Variants in TK1 observed in about 807,000 individuals in gnomAD.
TK1 encodes thymidine kinase 1, also known as thymidine kinase, cytosolic.
Under a neutral mutation model 22.4 loss-of-function variants are expected in TK1, and 13 were observed. The observed-to-expected ratio is 0.58, with a 90% CI of 0.38 to 0.92. The LOEUF (loss-of-function observed/expected upper bound fraction) is 0.92, where lower values mean the gene tolerates loss of function less well. TK1 is among the 40% of genes least tolerant of loss of function. TK1 has a pLI of 0.00. For synonymous variants in TK1, 134 were observed against 125.4 expected, an observed-to-expected ratio of 1.07 and a Z score of -0.46; for missense variants, 251 against 315.7, an observed-to-expected ratio of 0.80 and a Z score of 1.55.
intron 3 of TK1, among the ~76,000 whole-genome samples, chr17:78,183,968 G>A (rs1287524906): frequency 1.3e-5 from 2 of 152,134 alleles, no homozygotes; most frequent in African/African-American, 2.4e-5. Context: ...TGTGACACAC[G>A]GGCAGAACTC....
chr17:78,185,596 C>T (rs535578575), intron 2 of TK1, among the ~76,000 whole-genome samples: 1 of 152,270 alleles, frequency 6.6e-6, no homozygotes, highest in South Asian at 2.1e-4. Context: ...GCGATCTCAG[C>T]TCACTGCAAC....
At position 78,174,762 on chromosome 17, in the gene TK1, G is replaced by T. The variant is rs748132331; in HGVS notation, c.702C>A (p.Asn234Lys). ...PQQILQCSPA[N>K] is the part of the protein sequence containing the mutation. ...GCGGGCGGCCCTCGCAGGTCCCTCA[G>T]TTGGCAGGGCTGCATTGCAGAATCT... Residue 234 changes from asparagine to lysine, a missense_variant, in exon 7 of 7, where the codon AAC (asparagine) becomes AAA (lysine). Transcript: ENST00000301634. 6.2e-7 allele frequency: 1 copy of T among 1,602,394 alleles called. No homozygotes were observed. Among genetic ancestry groups the T allele is most frequent in the Non-Finnish European group, 8.5e-7 (1 of 1,174,816 alleles).
intron 4 of TK1, among the ~76,000 whole-genome samples, chr17:78,180,208 G>C (rs1253798440): frequency 1.3e-5 from 2 of 152,232 alleles, no homozygotes; most frequent in Non-Finnish European, 2.9e-5. Flanking sequence ...ACACCCAGGG[G>C]CTCCGCCACG....
intron 2 of TK1, among the ~76,000 whole-genome samples, chr17:78,186,467 G>T (rs1025924937): frequency 1.1e-4 from 16 of 152,138 alleles, no homozygotes; most frequent in African/African-American, 3.6e-4. Flanking sequence ...ACAACTGGTT[G>T]CCACCTTCTC....
intron 4 of TK1, among the ~76,000 whole-genome samples, chr17:78,176,227 C>A (rs535724643): frequency 2.2e-4 from 34 of 151,212 alleles, no homozygotes; most frequent in Non-Finnish European, 4.0e-4. Flanking sequence ...CTGCACAGAG[C>A]ACATTTACTG....
chr17:78,178,580 A>G (rs1239735955), intron 4 of TK1, among the ~76,000 whole-genome samples: 5 of 152,216 alleles, frequency 3.3e-5, no homozygotes, highest in African/African-American at 1.2e-4. Flanking sequence ...GCTGGGTCCC[A>G]TGCTAGGAAC....
At position 78,175,565 on chromosome 17, in the gene TK1, T is replaced by A; in HGVS notation, c.357A>T (p.Val119=). ...CEAMANAGKT[V]IVAALDGTFQ... is the part of the protein sequence containing the mutation. ...AGGTCCCATCCAGTGCAGCCACAAT[T>A]ACGGTCTTCCCGGCGTTGGCCATGG... is the stretch of plus-strand genomic sequence containing the variant. The change falls in exon 5 of 7, where the codon GTA becomes GTT. Residue 119 remains valine, a synonymous_variant. Coordinates refer to ENST00000301634, the MANE Select transcript of TK1 (RefSeq NM_003258.5). The A allele has an allele frequency of 1.9e-6, 3 of 1,613,708 alleles. No individual in the cohort carries two copies. The highest frequency in any genetic ancestry group is 2.5e-6 in the Non-Finnish European group (3 of 1,179,792).
rs933538843 is a variant in TK1 at position 78,182,575 on chromosome 17, A to G, written c.303+14T>C. 4.5e-6 allele frequency: 7 copies of G among 1,561,498 alleles called. No homozygotes were observed. The highest frequency in any genetic ancestry group is 1.2e-5 in the South Asian group (1 of 85,216). On this transcript the variant is annotated intron_variant, in intron 4 of 6. Transcript: ENST00000301634. ...AGCTGGCAGGAAGAGTGATGCCAAG[A>G]CAAGCCAACTTACAAACTGCCCCTC...
At chr17:78,179,562 C>A (rs994269302) in intron 4 of TK1, 1 of 985,376 alleles carries the variant, frequency 1.0e-6, no homozygotes, top group African/African-American at 1.7e-5. Flanking sequence ...AGCCTCCCCA[C>A]GGGAATGGAA....
chr17:78,180,394 C>G (rs1410311870), intron 4 of TK1, among the ~76,000 whole-genome samples: 1 of 152,188 alleles, frequency 6.6e-6, no homozygotes, highest in African/African-American at 2.4e-5. Flanking sequence ...CTAAAAGTAC[C>G]TAAGAGGTCA....
intron 3 of TK1, among the ~76,000 whole-genome samples, chr17:78,183,937 T>C (rs1424509200): frequency 6.6e-6 from 1 of 152,202 alleles, no homozygotes; most frequent in Non-Finnish European, 1.5e-5. Context: ...TTGGCCTCTG[T>C]GGCCCGTGTT....
intron 2 of TK1, among the ~76,000 whole-genome samples, chr17:78,185,749 C>T (rs1231901791): frequency 6.6e-6 from 1 of 152,232 alleles, no homozygotes; most frequent in Admixed American, 6.5e-5. Flanking sequence ...AGGGTGGTCT[C>T]AAACTCCTAA....
At position 78,174,954 on chromosome 17, in the gene TK1, G is replaced by A; in HGVS notation, c.514-4C>T. 3 of 1,612,296 alleles carry A rather than the reference G, an allele frequency of 1.9e-6. No individual in the cohort carries two copies. The highest frequency in any genetic ancestry group is 1.7e-6 in the Non-Finnish European group (2 of 1,178,670). On this transcript the variant is annotated splice_polypyrimidine_tract_variant and splice_region_variant and intron_variant, in intron 6 of 6. Coordinates refer to ENST00000301634, the MANE Select transcript of TK1 (RefSeq NM_003258.5). ...CTGCTCCCCCAATCACCTCGACCTG[G>A]CCGCAGGGACAGGGGATGGGTGAAG...
chr17:78,174,758 C>A lies in TK1; in HGVS notation c.*1G>T. On this transcript the variant is annotated 3_prime_UTR_variant, in exon 7 of 7. Transcript: ENST00000301634. ...GGGAGCGGGCGGCCCTCGCAGGTCC[C>A]TCAGTTGGCAGGGCTGCATTGCAGA... 1 of 1,599,332 alleles carries A rather than the reference C, an allele frequency of 6.3e-7. No homozygotes were observed. Among genetic ancestry groups the A allele is most frequent in the Non-Finnish European group, 8.5e-7 (1 of 1,173,386 alleles).
chr17:78,186,354 G>C (rs2075793488), intron 2 of TK1, among the ~76,000 whole-genome samples: 1 of 152,150 alleles, frequency 6.6e-6, no homozygotes, highest in South Asian at 2.1e-4. Context: ...AGGCTCCACG[G>C]CTTCAGACTC....
intron 5 of TK1, 64 bp downstream of exon 5, chr17:78,175,465 G>T: frequency 6.7e-7 from 1 of 1,495,554 alleles, no homozygotes; most frequent in Non-Finnish European, 9.2e-7. Context: ...TGGTGTCTCT[G>T]TGCCCATCCA....
chr17:78,182,814 G>T, intron 3 of TK1, 132 bp from the exon 4 acceptor site: 1 of 546,036 alleles, frequency 1.8e-6, no homozygotes, highest in Non-Finnish European at 3.0e-6. Flanking sequence ...GCCGGGCTTT[G>T]AGAAGTTAGC....
Position 78,174,890 on chromosome 17 carries a change from T to C in TK1, c.574A>G (p.Lys192Glu), listed in dbSNP as rs1369464494. Reference sequence around the variant, plus strand: ...GGCCCGGCAGGCTGGCCTGAGGCCTTCTTGAAGTAGCAGAGCCGACACACG... The same window carrying C: ...GGCCCGGCAGGCTGGCCTGAGGCCTCCTTGAAGTAGCAGAGCCGACACACG... ...HSVCRLCYFK[K>E]ASGQPAGPDN... is the part of the protein sequence containing the mutation. Residue 192 changes from lysine (K) to glutamate (E), a missense_variant, in exon 7 of 7, where the codon AAG becomes GAG. Physicochemically the swap from Lys to Glu is moderately conservative, Grantham distance 56. Transcript: ENST00000301634. The C allele has an allele frequency of 6.2e-7, 1 of 1,613,854 alleles. No homozygotes were observed. Among genetic ancestry groups the C allele is most frequent in the Non-Finnish European group, 8.5e-7 (1 of 1,179,880 alleles).
Position 78,186,621 on chromosome 17 carries a change from C to A in TK1, c.98+166G>T, listed in dbSNP as rs376217813. 6.7e-4 allele frequency among the ~76,000 whole-genome samples: 100 copies of A among 148,588 alleles called. 1 individual carries two copies. The highest frequency in any genetic ancestry group is 3.4e-3 in the Middle Eastern group (1 of 294). On this transcript the variant is annotated intron_variant, in intron 2 of 6. Coordinates refer to ENST00000301634, the MANE Select transcript of TK1 (RefSeq NM_003258.5). ...CTGGACTGAATTCAAGGGAGGAGCA[C>A]CCCAGGCGGGAGCTGTAGGAGGCTG...
Sources: allele counts gnomAD v4.1 joint callset (sites outside exome capture counted in the v4.1 genomes callset), GRCh38; gene constraint gnomAD v4.1.1; transcripts MANE v1.5; gene names NCBI Gene and HGNC (gene_info 2026-07-23, HGNC 2026-07-21).